The following IQGAP2 variants were observed in gnomAD, a reference collection of about 807,000 sequenced individuals.
The protein encoded by IQGAP2 is ras GTPase-activating-like protein IQGAP2.
In IQGAP2, 173 loss-of-function variants were observed where a neutral mutation model predicts 201.3. The observed-to-expected ratio is 0.86, with a 90% CI of 0.76 to 0.98. IQGAP2 has a LOEUF of 0.98. Among genes scored for constraint, IQGAP2 ranks in the 50% least tolerant of loss-of-function variants. The pLI is 0.00. For synonymous variants in IQGAP2, 675 were observed against 673.9 expected, an observed-to-expected ratio of 1.00 and a Z score of -0.03; for missense variants, 1,687 against 1,864.8, an observed-to-expected ratio of 0.90 and a Z score of 1.76.
chr5:76,505,314 C>T (rs1052052782), intron 2 of IQGAP2, among the ~76,000 whole-genome samples: 9 of 152,140 alleles, frequency 5.9e-5, no homozygotes, highest in Admixed American at 1.3e-4. Context: ...TCCAGGAAAC[C>T]GTCGAAACTG....
chr5:76,698,261 C>A, intron 33 of IQGAP2, 114 bp downstream of exon 33: 1 of 684,766 alleles, frequency 1.5e-6, no homozygotes, highest in South Asian at 2.1e-5. Flanking sequence ...GCTCTGTCTT[C>A]TAACCGAAAA....
At position 76,614,605 on chromosome 5, in the gene IQGAP2, C is replaced by CTTTTTTTTTT. The variant is rs10603126; in HGVS notation, c.1521+3440_1521+3449dup. ...TTAATGTCTTTGTTTTTCCCCTCTG[C>CTTTTTTTTTT]TTTTTTTTTTTTTTTTTTTTTTTTT... On this transcript the variant is annotated intron_variant, in intron 13 of 35. Transcript: ENST00000274364. 1.8e-4 allele frequency among the ~76,000 whole-genome samples: 11 copies of CTTTTTTTTTT among 59,610 alleles called. 1 individual carries two copies. Among genetic ancestry groups the CTTTTTTTTTT allele is most frequent in the Admixed American group, 2.6e-4 (1 of 3,870 alleles). The allele number at this position is 59,610 out of a possible 152,430, so 39.1% of individuals were successfully genotyped here.
At chr5:76,533,580 G>A (rs535677127) in intron 2 of IQGAP2, among the ~76,000 whole-genome samples, 14 of 151,020 alleles carry the variant, frequency 9.3e-5, no homozygotes, top group East Asian at 3.9e-4. Flanking sequence ...TCGCTCTGTC[G>A]CCCAGGCTTG....
intron 2 of IQGAP2, among the ~76,000 whole-genome samples, chr5:76,530,307 T>C (rs1759220329): frequency 1.3e-5 from 2 of 152,208 alleles, no homozygotes; most frequent in African/African-American, 4.8e-5. Flanking sequence ...CCCTGGTACA[T>C]AACATAGAAT....
In IQGAP2 at chr5:76,658,678, T is replaced by G. The variant is rs762550409; in HGVS notation, c.2529+11T>G. 6.2e-7 allele frequency: 1 copy of G among 1,608,166 alleles called. No homozygotes were observed. The highest frequency in any genetic ancestry group is 1.1e-5 in the South Asian group (1 of 90,398). On this transcript the variant is annotated intron_variant, in intron 21 of 35. Coordinates refer to ENST00000274364, the MANE Select transcript of IQGAP2 (RefSeq NM_006633.5). ...AGGATCACACTAGAGGTCAGTGGGG[T>G]TTTTGGGACTGTCAGCTCCCAGAAG...
Position 76,496,048 on chromosome 5 carries a change from T to C in IQGAP2, c.146+34379T>C, listed in dbSNP as rs1289510107. On this transcript the variant is annotated intron_variant, in intron 2 of 35. Transcript: ENST00000274364. ...AGCTCAGTGAACAAATGGCTCTTCTTATGAAGAGCAGCCCTCAGCGGAGGC... is the reference window on the plus strand; with the variant it reads ...AGCTCAGTGAACAAATGGCTCTTCTCATGAAGAGCAGCCCTCAGCGGAGGC... 2.6e-5 allele frequency among the ~76,000 whole-genome samples: 4 copies of C among 152,174 alleles called. No homozygotes were observed. In the South Asian group the frequency reaches 8.3e-4, roughly 32 times the overall value.
intron 2 of IQGAP2, among the ~76,000 whole-genome samples, chr5:76,502,989 C>T (rs1757363297): frequency 6.6e-6 from 1 of 151,810 alleles, no homozygotes; most frequent in South Asian, 2.1e-4. Flanking sequence ...AAGTGATCCT[C>T]CTTGCTTCAG....
chr5:76,548,182 G>A (rs1743209808), intron 2 of IQGAP2, among the ~76,000 whole-genome samples: 1 of 152,174 alleles, frequency 6.6e-6, no homozygotes, highest in African/African-American at 2.4e-5. Flanking sequence ...AGAGGAAATT[G>A]TGGCCCAGAG....
In IQGAP2 at chr5:76,706,422, G is replaced by A. The variant is rs185926887; in HGVS notation, c.4615-778G>A. Among the ~76,000 whole-genome samples the A allele has an allele frequency of 1.8e-3, 273 of 152,038 alleles. 2 individuals carry two copies. Among genetic ancestry groups the A allele is most frequent in the African/African-American group, 6.3e-3 (263 of 41,438 alleles). On this transcript the variant is annotated intron_variant, in intron 35 of 35. Coordinates refer to ENST00000274364, the MANE Select transcript of IQGAP2 (RefSeq NM_006633.5). ...GAGTACAGCAGTGCAATCTCGGCTC[G>A]CTGCAATCTCTGCCTACTCTGTTCA...
rs1189638406 is a variant in IQGAP2, at chr5:76,678,722, A to G, written c.3660+1372A>G. 2.6e-5 allele frequency among the ~76,000 whole-genome samples: 4 copies of G among 152,234 alleles called. No homozygotes were observed. In the South Asian group the frequency reaches 6.2e-4, roughly 24 times the overall value. On this transcript the variant is annotated intron_variant, in intron 28 of 35. Coordinates refer to ENST00000274364, the MANE Select transcript of IQGAP2 (RefSeq NM_006633.5). ...ATACAGAGAACCAAAGGGAAAGCATAACAAATACACATTCTCAAAGGTTGT... is the reference window on the plus strand; with the variant it reads ...ATACAGAGAACCAAAGGGAAAGCATGACAAATACACATTCTCAAAGGTTGT...
Position 76,636,436 on chromosome 5 carries a change from C to A in IQGAP2, c.1781-598C>A, listed in dbSNP as rs1751132173. On this transcript the variant is annotated intron_variant, in intron 15 of 35. Transcript: ENST00000274364. ...TTAAGTTTCAAAAAAATTTTTTTCT[C>A]ATTTCTTGTGGTTGCACAGCACAAA... Among the ~76,000 whole-genome samples, 3 of 152,256 alleles carry A rather than the reference C, an allele frequency of 2.0e-5. No homozygotes were observed. The South Asian group carries it at 6.2e-4, about 32-fold the overall frequency.
Position 76,668,828 on chromosome 5 carries a change from CTG to C in IQGAP2, c.2828_2829del (p.Leu943ArgfsTer18), listed in dbSNP as rs917099564. 1 of 1,593,472 alleles carries C rather than the reference CTG, an allele frequency of 6.3e-7. No homozygotes were observed. The highest frequency in any genetic ancestry group is 8.5e-7 in the Non-Finnish European group (1 of 1,169,874). On this transcript the variant is annotated frameshift_variant, in exon 23 of 36. Transcript: ENST00000274364. LOFTEE classifies it high-confidence loss of function. ...YLLLKLFKTA[L>X]EEEIKSKVDQ... ...ACTTCTCAAGCTTTTTAAAACTGCT[CTG>C]GAGGAAGAAATAAAGTATGTATACA...
At chr5:76,528,343 A>G (rs982876959) in intron 2 of IQGAP2, among the ~76,000 whole-genome samples, 2 of 109,066 alleles carry the variant, frequency 1.8e-5, no homozygotes, top group African/African-American at 8.1e-5. Flanking sequence ...GTTCCTTAAT[A>G]GAAAGTATTC....
chr5:76,574,043 C>T (rs1303017464), intron 4 of IQGAP2, among the ~76,000 whole-genome samples: 1 of 152,132 alleles, frequency 6.6e-6, no homozygotes, highest in African/African-American at 2.4e-5. Context: ...TATTTTGTAG[C>T]TCAAGAAACT....
At chr5:76,611,475 A>G (rs1748405874) in intron 13 of IQGAP2, among the ~76,000 whole-genome samples, 1 of 152,200 alleles carries the variant, frequency 6.6e-6, no homozygotes, top group Non-Finnish European at 1.5e-5. Flanking sequence ...TACTATGTGC[A>G]CACTTCAGTC....
At chr5:76,467,471 A>G (rs1358197994) in intron 2 of IQGAP2, among the ~76,000 whole-genome samples, 3 of 152,214 alleles carry the variant, frequency 2.0e-5, no homozygotes, top group African/African-American at 7.2e-5. Flanking sequence ...GCGTAGCTAT[A>G]ATCAAAGATG....
chr5:76,537,506 T>C (rs1434568326), intron 2 of IQGAP2, among the ~76,000 whole-genome samples: 1 of 151,488 alleles, frequency 6.6e-6, no homozygotes, highest in Non-Finnish European at 1.5e-5. Flanking sequence ...TTTTTTTCAA[T>C]AGTGCTTTTG....
At chr5:76,573,643 G>A (rs1454762134) in intron 4 of IQGAP2, among the ~76,000 whole-genome samples, 1 of 149,626 alleles carries the variant, frequency 6.7e-6, no homozygotes, top group Non-Finnish European at 1.5e-5. Flanking sequence ...ACGGAGTCTC[G>A]CTCTGTCGCC....
At chr5:76,571,859 T>G (rs1287564047) in intron 4 of IQGAP2, among the ~76,000 whole-genome samples, 6 of 152,182 alleles carry the variant, frequency 3.9e-5, no homozygotes, top group Non-Finnish European at 8.8e-5. Context: ...CTACAGACCT[T>G]TTTCCATTTT....
Sources: allele counts gnomAD v4.1 joint callset (sites outside exome capture counted in the v4.1 genomes callset), GRCh38; gene constraint gnomAD v4.1.1; transcripts MANE v1.5; gene names NCBI Gene and HGNC (gene_info 2026-07-23, HGNC 2026-07-21).